Variants in RANBP17 observed in about 807,000 individuals in gnomAD.
RANBP17 encodes ran-binding protein 17.
A neutral mutation model predicts 141.2 loss-of-function variants in RANBP17; 158 were observed. The ratio of observed to expected loss-of-function variants is 1.12; its 90% CI spans 0.98 to 1.28. RANBP17 has a LOEUF of 1.28. Among genes scored for constraint, RANBP17 ranks in the 50% most tolerant of loss-of-function variants. The pLI is 0.00. For synonymous variants in RANBP17, 430 were observed against 450.0 expected, an observed-to-expected ratio of 0.96 and a Z score of 0.56; for missense variants, 1,438 against 1,290.7, an observed-to-expected ratio of 1.11 and a Z score of -1.75.
intron 14 of RANBP17, among the ~76,000 whole-genome samples, chr5:171,087,134 A>G (rs747752281): frequency 2.6e-3 from 381 of 145,484 alleles, no homozygotes; most frequent in Middle Eastern, 7.2e-3. Context: ...CACTGCTTTG[A>G]ATGCGTCCCA....
At chr5:170,868,438 G>T (rs1767450309) in intron 1 of RANBP17, among the ~76,000 whole-genome samples, 1 of 152,008 alleles carries the variant, frequency 6.6e-6, no homozygotes, top group Non-Finnish European at 1.5e-5. Context: ...TGTTGTTGTT[G>T]TTGTTGTATT....
At position 170,888,104 on chromosome 5, in the gene RANBP17, G is replaced by A. The variant is rs117693684; in HGVS notation, c.257-4283G>A. Among the ~76,000 whole-genome samples, 147 of 152,324 alleles carry A rather than the reference G, an allele frequency of 9.7e-4. 2 individuals are homozygous for A. In the East Asian group the frequency reaches 0.026, roughly 27 times the overall value. On this transcript the variant is annotated intron_variant, in intron 3 of 27. Coordinates refer to ENST00000523189, the MANE Select transcript of RANBP17 (RefSeq NM_022897.5). ...CTGTAGCTTTATGGTATGCCTTGAA[G>A]TAGGGTAGTGTCAGTCTTCCAACTT...
intron 15 of RANBP17, among the ~76,000 whole-genome samples, chr5:171,170,719 T>G (rs1760039302): frequency 6.6e-6 from 1 of 152,140 alleles, no homozygotes; most frequent in Non-Finnish European, 1.5e-5. Context: ...GCCAAACTTG[T>G]ATGCCTCCAC....
In RANBP17 at chr5:171,016,790, T is replaced by TA. The variant is rs952799275; in HGVS notation, c.1710+48423dup. ...AATATGCATTTTTTTATGTCTTCTTTAAAAAAAAAAGCGGGATACACGTGC... is the reference window on the plus strand; with the variant it reads ...AATATGCATTTTTTTATGTCTTCTTTAAAAAAAAAAAGCGGGATACACGTGC... On this transcript the variant is annotated intron_variant, in intron 14 of 27. Coordinates refer to ENST00000523189, the MANE Select transcript of RANBP17 (RefSeq NM_022897.5). Among the ~76,000 whole-genome samples the TA allele has an allele frequency of 1.8e-3, 263 of 148,808 alleles. 1 individual carries two copies. Among genetic ancestry groups the TA allele is most frequent in the African/African-American group, 6.0e-3 (243 of 40,658 alleles).
chr5:171,069,159 ACTT>A (rs1561618540), intron 14 of RANBP17, among the ~76,000 whole-genome samples: 1 of 152,164 alleles, frequency 6.6e-6, no homozygotes, highest in Non-Finnish European at 1.5e-5. Flanking sequence ...CAGGAAATCT[ACTT>A]CTACTTGAGG....
intron 25 of RANBP17, among the ~76,000 whole-genome samples, chr5:171,288,117 G>A (rs1283893432): frequency 6.6e-6 from 1 of 152,064 alleles, no homozygotes. Context: ...AATGTTCAGT[G>A]GACCATTTTC....
chr5:171,287,612 CT>C (rs1262251371), intron 25 of RANBP17, among the ~76,000 whole-genome samples: 1 of 152,058 alleles, frequency 6.6e-6, no homozygotes, highest in African/African-American at 2.4e-5. Flanking sequence ...TCCCCACCCC[CT>C]ATCCAGGTCC....
chr5:170,890,630 C>G (rs1345786271), intron 3 of RANBP17, among the ~76,000 whole-genome samples: 2 of 152,146 alleles, frequency 1.3e-5, no homozygotes, highest in African/African-American at 4.8e-5. Context: ...AAATGGCATG[C>G]TGGCCTTTCA....
intron 21 of RANBP17, among the ~76,000 whole-genome samples, chr5:171,220,003 G>T (rs144510579): frequency 2.6e-5 from 4 of 152,144 alleles, no homozygotes; most frequent in Non-Finnish European, 5.9e-5. Flanking sequence ...AGTGTTTTTT[G>T]TGCTGGTTTT....
chr5:171,203,380 T>G (rs561536896), intron 19 of RANBP17, among the ~76,000 whole-genome samples: 1 of 152,284 alleles, frequency 6.6e-6, no homozygotes, highest in East Asian at 1.9e-4. Flanking sequence ...AACACTCTCT[T>G]TAGTGTTGTT....
chr5:171,153,895 C>G (rs1453531121), intron 14 of RANBP17, among the ~76,000 whole-genome samples: 1 of 151,860 alleles, frequency 6.6e-6, no homozygotes, highest in Admixed American at 6.6e-5. Flanking sequence ...GGCATGGTGG[C>G]ACATACCTGT....
At chr5:171,086,368 GTATTT>G (rs1449300007) in intron 14 of RANBP17, among the ~76,000 whole-genome samples, 12 of 151,874 alleles carry the variant, frequency 7.9e-5, no homozygotes, top group Non-Finnish European at 1.5e-4. Flanking sequence ...CGGTTTGCCA[GTATTT>G]TATTGAGGAT....
At chr5:171,163,525 AGG>A (rs1759485128) in intron 14 of RANBP17, among the ~76,000 whole-genome samples, 1 of 152,170 alleles carries the variant, frequency 6.6e-6, no homozygotes, top group South Asian at 2.1e-4. Context: ...TTGACCTCAA[AGG>A]CACTTGAAGC....
At chr5:171,114,557 G>C (rs533861693) in intron 14 of RANBP17, among the ~76,000 whole-genome samples, 3 of 151,456 alleles carry the variant, frequency 2.0e-5, no homozygotes, top group South Asian at 2.1e-4. Context: ...ATGACAACTG[G>C]TATATCACTA....
chr5:171,082,685 G>A (rs866322316), intron 14 of RANBP17, among the ~76,000 whole-genome samples: 1 of 152,100 alleles, frequency 6.6e-6, no homozygotes, highest in Non-Finnish European at 1.5e-5. Context: ...CAAAATGAGG[G>A]TGATAGAACC....
At chr5:171,124,656 G>A (rs778452908) in intron 14 of RANBP17, among the ~76,000 whole-genome samples, 1 of 152,048 alleles carries the variant, frequency 6.6e-6, no homozygotes, top group Non-Finnish European at 1.5e-5. Context: ...ATGTTTATAT[G>A]GGACAGTATC....
intron 22 of RANBP17, among the ~76,000 whole-genome samples, chr5:171,227,343 G>C (rs1302286260): frequency 6.6e-6 from 1 of 152,238 alleles, no homozygotes. Context: ...GAAGGTTTTA[G>C]TAGTCTGAGA....
chr5:171,179,304 G>A (rs1192600013), intron 16 of RANBP17, among the ~76,000 whole-genome samples: 1 of 152,002 alleles, frequency 6.6e-6, no homozygotes, highest in African/African-American at 2.4e-5. Flanking sequence ...ATAATGGGTA[G>A]TTCTTCCTCC....
intron 14 of RANBP17, among the ~76,000 whole-genome samples, chr5:171,066,899 G>C (rs1292954788): frequency 6.6e-6 from 1 of 152,130 alleles, no homozygotes; most frequent in African/African-American, 2.4e-5. Context: ...AAGTCCTTCA[G>C]ACTGAAATGA....
Sources: allele counts gnomAD v4.1 joint callset (sites outside exome capture counted in the v4.1 genomes callset), GRCh38; gene constraint gnomAD v4.1.1; transcripts MANE v1.5; gene names NCBI Gene and HGNC (gene_info 2026-07-23, HGNC 2026-07-21).